The following SNTG1 variants were observed in gnomAD, a reference collection of about 807,000 sequenced individuals.
SNTG1 encodes the protein gamma-1-syntrophin.
In SNTG1, 39 loss-of-function variants were observed where a neutral mutation model predicts 74.7. That is an observed-to-expected ratio of 0.52 (90% confidence interval 0.40 to 0.68). The LOEUF is 0.68. Ranked by LOEUF, SNTG1 falls within the 30% of genes least tolerant of loss-of-function variation. SNTG1 has a pLI of 0.00. For missense variants in SNTG1, 685 were observed against 609.5 expected (o/e 1.12, Z -1.30); for synonymous variants, 254 against 217.1 (o/e 1.17, Z -1.49).
In SNTG1 at chr8:50,487,880, G is replaced by A. The variant is rs530096202; in HGVS notation, c.364-14898G>A. ...AAAAAAGAAGTCTCTAGAACTAAAG[G>A]GCTTTATCAACTTTATTTCTTCATT... On this transcript the variant is annotated intron_variant, in intron 8 of 18. Coordinates refer to ENST00000642720, the MANE Select transcript of SNTG1 (RefSeq NM_018967.5). Among the ~76,000 whole-genome samples the A allele has an allele frequency of 3.2e-4, 49 of 152,026 alleles. 2 individuals carry two copies. Among genetic ancestry groups the A allele is most frequent in the Admixed American group, 8.5e-4 (13 of 15,266 alleles).
intron 9 of SNTG1, among the ~76,000 whole-genome samples, chr8:50,511,127 A>C (rs1199085835): frequency 2.0e-5 from 3 of 152,074 alleles, no homozygotes; most frequent in Non-Finnish European, 4.4e-5. Context: ...CTTTCTTCTC[A>C]TTGGTTTTAA....
chr8:50,201,982 A>C (rs1202142473), intron 2 of SNTG1, among the ~76,000 whole-genome samples: 1 of 152,094 alleles, frequency 6.6e-6, no homozygotes, highest in Non-Finnish European at 1.5e-5. Context: ...TTTTTAACCC[A>C]CGTCTCCATG....
At chr8:50,789,964 G>A (rs1235954151) in intron 18 of SNTG1, among the ~76,000 whole-genome samples, 1 of 151,836 alleles carries the variant, frequency 6.6e-6, no homozygotes, top group Non-Finnish European at 1.5e-5. Flanking sequence ...TGACTCTCCT[G>A]GAATGTCCCT....
intron 1 of SNTG1, among the ~76,000 whole-genome samples, chr8:49,990,872 T>G (rs544913962): frequency 4.6e-5 from 7 of 152,270 alleles, no homozygotes; most frequent in Non-Finnish European, 8.8e-5. Flanking sequence ...GTCTTCATGA[T>G]GGTGTGTTAT....
At chr8:50,327,184 T>C (rs2090783947) in intron 2 of SNTG1, among the ~76,000 whole-genome samples, 1 of 152,190 alleles carries the variant, frequency 6.6e-6, no homozygotes, top group African/African-American at 2.4e-5. Flanking sequence ...ATCCACTTGA[T>C]TGATGGTTAA....
intron 4 of SNTG1, among the ~76,000 whole-genome samples, chr8:50,432,648 C>T (rs894902701): frequency 8.6e-5 from 13 of 151,830 alleles, no homozygotes; most frequent in East Asian, 1.9e-4. Flanking sequence ...TTCATGAATA[C>T]GGTTATCTCT....
intron 12 of SNTG1, among the ~76,000 whole-genome samples, chr8:50,563,902 G>T (rs1438962488): frequency 6.6e-6 from 1 of 152,082 alleles, no homozygotes; most frequent in African/African-American, 2.4e-5. Context: ...GACATAGAAA[G>T]CCATTGCTTC....
chr8:50,233,718 C>A (rs2085748912), intron 2 of SNTG1, among the ~76,000 whole-genome samples: 1 of 100,482 alleles, frequency 1.0e-5, no homozygotes, highest in African/African-American at 3.1e-5. Context: ...TAAAAAAACC[C>A]ACTAATTAGA....
At chr8:50,689,437 A>G (rs1381669050) in intron 15 of SNTG1, among the ~76,000 whole-genome samples, 2 of 152,078 alleles carry the variant, frequency 1.3e-5, no homozygotes, top group Non-Finnish European at 1.5e-5. Context: ...TACCTAGTTT[A>G]TTGAGAGTTT....
chr8:50,505,156 G>C (rs2129771337), intron 9 of SNTG1, among the ~76,000 whole-genome samples: 1 of 152,172 alleles, frequency 6.6e-6, no homozygotes, highest in South Asian at 2.1e-4. Context: ...TTGTAGAATA[G>C]GACAAAATTT....
Position 49,994,405 on chromosome 8 carries a change from G to A in SNTG1, c.-103+82174G>A, listed in dbSNP as rs191919175. Among the ~76,000 whole-genome samples, 525 of 146,884 alleles carry A rather than the reference G, an allele frequency of 3.6e-3. 3 individuals carry two copies. The highest frequency in any genetic ancestry group is 0.012 in the African/African-American group (498 of 40,520). On this transcript the variant is annotated intron_variant, in intron 1 of 18. Transcript: ENST00000642720. ...ATAGTAGCTGGGGTTACAGGCACCC[G>A]CCACCATGCCCGGCTATTTTTTTTT...
chr8:50,056,568 C>A (rs1820040593), intron 1 of SNTG1, among the ~76,000 whole-genome samples: 1 of 152,124 alleles, frequency 6.6e-6, no homozygotes. Context: ...TTCTTGGGTT[C>A]CAATCTGTTC....
At chr8:50,388,731 C>A (rs985477148) in intron 2 of SNTG1, among the ~76,000 whole-genome samples, 7 of 152,202 alleles carry the variant, frequency 4.6e-5, no homozygotes, top group African/African-American at 1.7e-4. Context: ...TGAGGCTGTT[C>A]AACTTATTTG....
chr8:50,723,530 TC>T (rs1219836593), intron 17 of SNTG1, among the ~76,000 whole-genome samples: 1 of 152,094 alleles, frequency 6.6e-6, no homozygotes, highest in Non-Finnish European at 1.5e-5. Context: ...AGTATATGTT[TC>T]CCCCACTTCC....
intron 1 of SNTG1, among the ~76,000 whole-genome samples, chr8:49,913,750 A>T (rs1805778795): frequency 6.6e-6 from 1 of 152,190 alleles, no homozygotes; most frequent in African/African-American, 2.4e-5. Flanking sequence ...TGGAAGACTT[A>T]ATCATATTTT....
intron 1 of SNTG1, among the ~76,000 whole-genome samples, chr8:50,092,996 G>C (rs1050651957): frequency 2.0e-5 from 3 of 152,072 alleles, no homozygotes; most frequent in East Asian, 1.9e-4. Flanking sequence ...AGTGGATCTC[G>C]TTGAAGGAGA....
intron 8 of SNTG1, among the ~76,000 whole-genome samples, chr8:50,473,946 T>C (rs1010570191): frequency 9.9e-5 from 15 of 152,096 alleles, no homozygotes; most frequent in Admixed American, 7.2e-4. Flanking sequence ...GTTTTAGGGG[T>C]ATAGAATTTT....
At chr8:50,118,922 C>T (rs2080911746) in intron 1 of SNTG1, among the ~76,000 whole-genome samples, 1 of 140,616 alleles carries the variant, frequency 7.1e-6, no homozygotes. Context: ...TTAGCAGAGA[C>T]AGATGCCTGT....
At chr8:50,130,975 C>T (rs1460901417) in intron 1 of SNTG1, among the ~76,000 whole-genome samples, 1 of 151,898 alleles carries the variant, frequency 6.6e-6, no homozygotes, top group Non-Finnish European at 1.5e-5. Flanking sequence ...AGAATGTCTT[C>T]TTAATTTAAC....
Sources: gnomAD v4.1 joint callset for allele counts (sites outside exome capture counted in the v4.1 genomes callset) on GRCh38, gnomAD v4.1.1 for gene constraint, MANE v1.5 for transcripts, NCBI Gene and HGNC (gene_info 2026-07-23, HGNC 2026-07-21) for gene names.